ALOX5AP: variants seen among roughly 807,000 people sequenced by gnomAD.
ALOX5AP encodes arachidonate 5-lipoxygenase activating protein.
Under a neutral mutation model 18.5 loss-of-function variants are expected in ALOX5AP, and 9 were observed. The observed-to-expected ratio is 0.49, with a 90% CI of 0.29 to 0.85. The LOEUF is 0.85. ALOX5AP is among the 40% of genes least tolerant of loss of function. The pLI, the probability that ALOX5AP is intolerant of heterozygous loss-of-function variation, is 0.08. For missense variants in ALOX5AP, 172 were observed against 202.5 expected (o/e 0.85, Z 0.91); for synonymous variants, 81 against 78.6 (o/e 1.03, Z -0.16).
At chr13:30,736,655 A>G (rs1366905970) in intron 1 of ALOX5AP, among the ~76,000 whole-genome samples, 1 of 152,166 alleles carries the variant, frequency 6.6e-6, no homozygotes, top group Non-Finnish European at 1.5e-5. Flanking sequence ...GATGCTGGTG[A>G]TGTAGCCTTC....
upstream of ALOX5AP, among the ~76,000 whole-genome samples, chr13:30,731,497 C>T (rs1281114097): frequency 2.0e-5 from 3 of 152,036 alleles, no homozygotes; most frequent in African/African-American, 4.8e-5. Flanking sequence ...GCCTCAGCCC[C>T]GAGTAGCTGG....
chr13:30,764,311 A>G lies in ALOX5AP; in HGVS notation c.*205A>G, dbSNP rs201732236. 1.4e-5 allele frequency: 7 copies of G among 508,866 alleles called. No homozygotes were observed. The highest frequency in any genetic ancestry group is 5.9e-5 in the African/African-American group (3 of 50,614). 31.5% of individuals were successfully genotyped at this position (508,866 alleles called of 1,614,324 possible). On this transcript the variant is annotated 3_prime_UTR_variant, in exon 5 of 5. Coordinates refer to ENST00000380490, the MANE Select transcript of ALOX5AP (RefSeq NM_001629.4). ...CCCCTTGAACATGACCGTGGCCCCA[A>G]ATTTGCTATTCCCATGCATTTTGTT...
chr13:30,717,040 C>T (rs990079554), intron 1 of ALOX5AP, among the ~76,000 whole-genome samples: 1 of 152,198 alleles, frequency 6.6e-6, no homozygotes, highest in Non-Finnish European at 1.5e-5. Flanking sequence ...CACATGAGCA[C>T]AGCTGACTGC....
intron 1 of ALOX5AP, chr13:30,742,695 A>G (rs140215112): frequency 6.6e-6 from 1 of 152,356 alleles, no homozygotes; most frequent in African/African-American, 2.4e-5. Context: ...TCCTATACAC[A>G]ATAAAGCACC....
chr13:30,735,382 C>T, upstream of ALOX5AP: 1 of 942,252 alleles, frequency 1.1e-6, no homozygotes. Context: ...CCAAGCCCTG[C>T]TTCTCCTGGT....
upstream of ALOX5AP, among the ~76,000 whole-genome samples, chr13:30,731,501 T>A (rs1362675552): frequency 1.3e-5 from 2 of 151,886 alleles, no homozygotes; most frequent in African/African-American, 2.4e-5. Flanking sequence ...CAGCCCCGAG[T>A]AGCTGGGACT....
At chr13:30,734,491 G>A (rs1403390485), upstream of ALOX5AP, among the ~76,000 whole-genome samples, 1 of 152,218 alleles carries the variant, frequency 6.6e-6, no homozygotes, top group Non-Finnish European at 1.5e-5. Flanking sequence ...CTGGGACAAA[G>A]ATTGCAGGTA....
rs375953188 is a variant in ALOX5AP, at chr13:30,740,513, C to T, written c.71-3547C>T. On this transcript the variant is annotated intron_variant, in intron 1 of 4. Transcript: ENST00000380490. The stretch of plus-strand genomic sequence containing the variant: ...TTTTGGCTTACTGTTAGCAGCTAGC[C>T]GAGATAAGTGTGTTTATGGTCTTTG... Among the ~76,000 whole-genome samples, 7 of 152,196 alleles carry T rather than the reference C, an allele frequency of 4.6e-5. No individual in the cohort carries two copies. The East Asian group carries it at 5.8e-4, about 13-fold the overall frequency.
At chr13:30,734,235 G>A (rs1951703279), upstream of ALOX5AP, among the ~76,000 whole-genome samples, 1 of 152,130 alleles carries the variant, frequency 6.6e-6, no homozygotes, top group Admixed American at 6.5e-5. Context: ...GACAGCCCTG[G>A]CTGCTGGCTT....
At chr13:30,733,025 G>A (rs894443762), upstream of ALOX5AP, among the ~76,000 whole-genome samples, 3 of 152,068 alleles carry the variant, frequency 2.0e-5, no homozygotes, top group African/African-American at 7.2e-5. Flanking sequence ...CAGGCGTGGT[G>A]GTGGGTGCCT....
chr13:30,754,932 C>A (rs970029407), intron 3 of ALOX5AP, among the ~76,000 whole-genome samples: 1 of 152,188 alleles, frequency 6.6e-6, no homozygotes, highest in African/African-American at 2.4e-5. Context: ...AGGAGCACTG[C>A]GGCAGGTGAA....
intron 1 of ALOX5AP, among the ~76,000 whole-genome samples, chr13:30,736,286 G>C (rs1951721165): frequency 6.6e-6 from 1 of 151,858 alleles, no homozygotes; most frequent in Non-Finnish European, 1.5e-5. Flanking sequence ...TTCAGAAAGA[G>C]AGAGAGAGAG....
chr13:30,751,573 G>C (rs1375505199), intron 2 of ALOX5AP, among the ~76,000 whole-genome samples: 1 of 152,216 alleles, frequency 6.6e-6, no homozygotes, highest in African/African-American at 2.4e-5. Flanking sequence ...AGTTGACTTT[G>C]TTGTCTTTAA....
At chr13:30,754,038 G>T (rs569059618) in intron 3 of ALOX5AP, among the ~76,000 whole-genome samples, 1 of 152,134 alleles carries the variant, frequency 6.6e-6, no homozygotes, top group Non-Finnish European at 1.5e-5. Flanking sequence ...TTGGGAGTTC[G>T]ACAACAGCCT....
intron 1 of ALOX5AP, among the ~76,000 whole-genome samples, chr13:30,722,881 A>G (rs1415481222): frequency 1.3e-5 from 2 of 152,116 alleles, no homozygotes; most frequent in Non-Finnish European, 2.9e-5. Context: ...AATCTCTACA[A>G]GCTCTTCACC....
exon 1 of ALOX5AP, chr13:30,713,558 G>C (rs1009209451): frequency 1.3e-5 from 8 of 595,688 alleles, no homozygotes; most frequent in African/African-American, 1.3e-4. Flanking sequence ...CTCCAGGGAG[G>C]GGCAGCTCTG....
intron 2 of ALOX5AP, among the ~76,000 whole-genome samples, chr13:30,745,356 C>T (rs549441687): frequency 9.8e-5 from 15 of 152,298 alleles, no homozygotes; most frequent in Admixed American, 2.6e-4. Flanking sequence ...CGCATTAGTA[C>T]GGTAGTCACA....
intron 1 of ALOX5AP, among the ~76,000 whole-genome samples, chr13:30,718,969 C>A (rs1304462758): frequency 6.6e-6 from 1 of 152,190 alleles, no homozygotes; most frequent in Admixed American, 6.5e-5. Flanking sequence ...GCCTGTCTAG[C>A]TTTATTTTTT....
chr13:30,738,323 G>A (rs555808726), intron 1 of ALOX5AP, among the ~76,000 whole-genome samples: 19 of 152,326 alleles, frequency 1.2e-4, no homozygotes, highest in Admixed American at 5.9e-4. Flanking sequence ...CCAGCAGAAT[G>A]CAGATTTGGA....
Sources: gnomAD v4.1 joint callset for allele counts (sites outside exome capture counted in the v4.1 genomes callset) on GRCh38, gnomAD v4.1.1 for gene constraint, MANE v1.5 for transcripts, NCBI Gene and HGNC (gene_info 2026-07-23, HGNC 2026-07-21) for gene names.